The following HS2ST1 variants were observed in gnomAD, a reference collection of about 807,000 sequenced individuals.
HS2ST1 encodes 2-O-sulfotransferase.
HS2ST1 carries 18 observed loss-of-function variants against 42.9 expected under a neutral mutation model. The observed-to-expected ratio is 0.42, with a 90% confidence interval of 0.29 to 0.62. The LOEUF is 0.62. Ranked by LOEUF, HS2ST1 falls within the 20% of genes least tolerant of loss-of-function variation. The pLI, the probability that HS2ST1 is intolerant of heterozygous loss-of-function variation, is 0.21. For synonymous variants in HS2ST1, 146 were observed against 152.9 expected (o/e 0.95, Z 0.33); for missense variants, 334 against 433.8 (o/e 0.77, Z 2.04).
At chr1:86,971,893 G>T (rs1444711341) in intron 1 of HS2ST1, among the ~76,000 whole-genome samples, 1 of 151,956 alleles carries the variant, frequency 6.6e-6, no homozygotes. Flanking sequence ...TCACTCTTCA[G>T]AATTACTGGC....
intron 3 of HS2ST1, among the ~76,000 whole-genome samples, chr1:87,089,295 T>G (rs1490984850): frequency 6.6e-6 from 1 of 152,078 alleles, no homozygotes; most frequent in Non-Finnish European, 1.5e-5. Context: ...AAAATATCTT[T>G]TTACCAACCT....
chr1:86,929,549 A>AT (rs1414814825), intron 1 of HS2ST1, among the ~76,000 whole-genome samples: 1 of 151,836 alleles, frequency 6.6e-6, no homozygotes, highest in Non-Finnish European at 1.5e-5. Context: ...TTTCCTATTA[A>AT]TACCTGTGAA....
intron 1 of HS2ST1, among the ~76,000 whole-genome samples, chr1:86,926,725 G>A (rs982260361): frequency 3.3e-5 from 5 of 152,136 alleles, no homozygotes; most frequent in Non-Finnish European, 5.9e-5. Flanking sequence ...ATTATACTTA[G>A]TAATTAAAAC....
intron 1 of HS2ST1, among the ~76,000 whole-genome samples, chr1:87,053,956 C>T (rs1376638371): frequency 6.6e-6 from 1 of 151,872 alleles, no homozygotes; most frequent in Non-Finnish European, 1.5e-5. Flanking sequence ...CTCATTTACT[C>T]CTTTTACATC....
chr1:86,923,877 C>T (rs1660356292), intron 1 of HS2ST1, among the ~76,000 whole-genome samples: 1 of 152,100 alleles, frequency 6.6e-6, no homozygotes, highest in African/African-American at 2.4e-5. Flanking sequence ...CACCCCTGGC[C>T]CCTCCCAAAT....
chr1:87,011,491 C>T (rs554001660), intron 1 of HS2ST1, among the ~76,000 whole-genome samples: 13 of 152,128 alleles, frequency 8.5e-5, no homozygotes, highest in Admixed American at 8.5e-4. Context: ...TGATCTTGAG[C>T]CTCAGCCTCC....
rs56401098 is a variant in HS2ST1 at position 87,018,132 on chromosome 1, CCACACACACACACACACA to C, written c.125-54787_125-54770del. Among the ~76,000 whole-genome samples the C allele has an allele frequency of 1.4e-3, 210 of 149,354 alleles. 1 individual carries two copies. Among genetic ancestry groups the C allele is most frequent in the African/African-American group, 4.3e-3 (172 of 40,470 alleles). ...TTTACCCTTCAAAGATAAATAAAAG[CCACACACACACACACACA>C]CACACACACACACAGACACACACAC... On this transcript the variant is annotated intron_variant, in intron 1 of 6. Transcript: ENST00000370550.
chr1:86,989,936 A>G (rs1170438892), intron 1 of HS2ST1, among the ~76,000 whole-genome samples: 2 of 151,492 alleles, frequency 1.3e-5, no homozygotes, highest in Non-Finnish European at 2.9e-5. Flanking sequence ...TCCATGGTGT[A>G]TGTGCCACAT....
intron 1 of HS2ST1, among the ~76,000 whole-genome samples, chr1:87,039,766 A>G (rs915070875): frequency 5.9e-5 from 9 of 152,146 alleles, no homozygotes; most frequent in East Asian, 1.9e-4. Flanking sequence ...AGTTTGACCA[A>G]TAGTAACTAA....
rs1650620469 is a variant in HS2ST1 at position 87,045,253 on chromosome 1, A to G, written c.125-27681A>G. ...CATCCTTTCCTAGGTCTTCACTATG[A>G]AGGATGTTGATCAATAAAGTATAGT... On this transcript the variant is annotated intron_variant, in intron 1 of 6. Transcript: ENST00000370550. The G allele has an allele frequency of 5.5e-6, 6 of 1,089,698 alleles. No homozygotes were observed. The East Asian group carries it at 1.4e-4, about 26-fold the overall frequency. The allele number at this position is 1,089,698 out of a possible 1,614,324, so 67.5% of individuals were successfully genotyped here.
intron 1 of HS2ST1, among the ~76,000 whole-genome samples, chr1:86,933,018 T>C (rs145710570): frequency 4.3e-4 from 65 of 152,280 alleles, no homozygotes; most frequent in African/African-American, 1.4e-3. Flanking sequence ...TTAAAATTTT[T>C]AAATTGTAAA....
intron 1 of HS2ST1, among the ~76,000 whole-genome samples, chr1:87,024,507 A>G (rs531394359): frequency 6.6e-6 from 1 of 151,756 alleles, no homozygotes; most frequent in Admixed American, 6.6e-5. Context: ...TCTCAAAGAA[A>G]AAAAAAAAAA....
intron 1 of HS2ST1, among the ~76,000 whole-genome samples, chr1:86,967,579 T>G (rs1205255619): frequency 6.6e-6 from 1 of 152,234 alleles, no homozygotes; most frequent in Non-Finnish European, 1.5e-5. Context: ...GTTACTTCAC[T>G]TAGAATAATG....
rs1209593883 is a variant in HS2ST1 at position 87,108,800 on chromosome 1, T to C, written c.*4104T>C. ...TGAGACATTGATGCTGTCTATCTCA[T>C]TTTTTAGACAGTTTTTGTAGCTTTC... On this transcript the variant is annotated 3_prime_UTR_variant, in exon 7 of 7. Coordinates refer to ENST00000370550, the MANE Select transcript of HS2ST1 (RefSeq NM_012262.4). 1.3e-5 allele frequency: 2 copies of C among 152,504 alleles called. No individual in the cohort carries two copies. The highest frequency in any genetic ancestry group is 4.8e-5 in the African/African-American group (2 of 41,436). 9.4% of individuals were successfully genotyped at this position (152,504 alleles called of 1,614,324 possible). A position where few individuals can be genotyped will look rare whatever the true frequency, so the allele number is the denominator to read the frequency against.
At chr1:87,103,032 C>A (rs1652253604) in intron 5 of HS2ST1, among the ~76,000 whole-genome samples, 1 of 152,194 alleles carries the variant, frequency 6.6e-6, no homozygotes. Context: ...ACCCGAAACT[C>A]ACACAATAAG....
chr1:86,915,956 T>C (rs775771761), intron 1 of HS2ST1, among the ~76,000 whole-genome samples: 6 of 152,184 alleles, frequency 3.9e-5, no homozygotes, highest in Non-Finnish European at 7.3e-5. Context: ...TTGTGTTTGT[T>C]AAAGGAAAAG....
At chr1:87,101,229 G>A (rs1362073682) in intron 5 of HS2ST1, among the ~76,000 whole-genome samples, 3 of 129,432 alleles carry the variant, frequency 2.3e-5, no homozygotes, top group South Asian at 2.7e-4. Context: ...GCAGTGGCAC[G>A]ATCTCGGTTC....
chr1:86,993,522 A>G (rs1649017617), intron 1 of HS2ST1, among the ~76,000 whole-genome samples: 1 of 152,230 alleles, frequency 6.6e-6, no homozygotes, highest in Admixed American at 6.5e-5. Flanking sequence ...CATGTTTACT[A>G]TATGACTCAG....
intron 1 of HS2ST1, among the ~76,000 whole-genome samples, chr1:87,071,992 A>G (rs189758981): frequency 4.6e-5 from 7 of 152,062 alleles, no homozygotes; most frequent in Admixed American, 3.9e-4. Context: ...CCTTATTCAT[A>G]TATATTTATA....
Sources: allele counts gnomAD v4.1 joint callset (sites outside exome capture counted in the v4.1 genomes callset), GRCh38; gene constraint gnomAD v4.1.1; transcripts MANE v1.5; gene names NCBI Gene and HGNC (gene_info 2026-07-23, HGNC 2026-07-21).